The following SERPINB5 variants were observed in gnomAD, a reference collection of about 807,000 sequenced individuals.
The protein encoded by SERPINB5 is serpin B5.
SERPINB5 carries 27 observed loss-of-function variants against 32.2 expected under a neutral mutation model. The ratio of observed to expected loss-of-function variants is 0.84; its 90% CI spans 0.62 to 1.16. The LOEUF is 1.16. Among genes scored for constraint, SERPINB5 ranks in the 50% most tolerant of loss-of-function variants. The pLI is 0.00. For synonymous variants in SERPINB5, 154 were observed against 157.4 expected, an observed-to-expected ratio of 0.98 and a Z score of 0.16; for missense variants, 388 against 436.3, an observed-to-expected ratio of 0.89 and a Z score of 0.99.
intron 6 of SERPINB5, among the ~76,000 whole-genome samples, chr18:63,501,761 T>C (rs546933991): frequency 2.2e-4 from 34 of 152,324 alleles, no homozygotes; most frequent in African/African-American, 7.9e-4. Flanking sequence ...TGGTATCTCA[T>C]TGTGGTTTTG....
intron 3 of SERPINB5, among the ~76,000 whole-genome samples, chr18:63,488,924 T>A (rs1035012188): frequency 3.9e-5 from 6 of 152,196 alleles, no homozygotes; most frequent in African/African-American, 1.4e-4. Flanking sequence ...GACCACAGTT[T>A]GAGTAGCAAG....
intron 5 of SERPINB5, 118 bp downstream of exon 5, chr18:63,493,213 T>C (rs761218359): frequency 7.4e-7 from 1 of 1,350,020 alleles, no homozygotes; most frequent in East Asian, 2.4e-5. Context: ...GCCGGCAAAG[T>C]GCCTTTCCTG....
intron 5 of SERPINB5, chr18:63,497,157 C>T: frequency 1.5e-6 from 1 of 650,564 alleles, no homozygotes. Flanking sequence ...GAGTTCTAGA[C>T]CAGGTTGTCT....
intron 4 of SERPINB5, among the ~76,000 whole-genome samples, chr18:63,489,931 G>T (rs12963382): frequency 6.6e-6 from 1 of 152,206 alleles, no homozygotes; most frequent in Non-Finnish European, 1.5e-5. Context: ...GGTGGCTCAC[G>T]CCTGTAATCC....
intron 4 of SERPINB5, among the ~76,000 whole-genome samples, chr18:63,489,957 C>A (rs1917275006): frequency 6.6e-6 from 1 of 152,292 alleles, no homozygotes; most frequent in Non-Finnish European, 1.5e-5. Flanking sequence ...CTTTGGGAGG[C>A]CAAGGCGGGC....
At chr18:63,497,520 A>G (rs2144507534) in intron 5 of SERPINB5, 1 of 446,962 alleles carries the variant, frequency 2.2e-6, no homozygotes. Flanking sequence ...AAAAAGAGCC[A>G]AGCATACAGT....
At position 63,492,937 on chromosome 18, in the gene SERPINB5, C is replaced by G; in HGVS notation, c.425-16C>G. 1.2e-6 allele frequency: 2 copies of G among 1,603,322 alleles called. No homozygotes were observed. Among genetic ancestry groups the G allele is most frequent in the South Asian group, 2.2e-5 (2 of 89,484 alleles). ...AGAATAATTCTGCTACTTGTGTTTT[C>G]CTAAAATTGTTGCAGGCCACTTTGA... On this transcript the variant is annotated splice_polypyrimidine_tract_variant and intron_variant, in intron 4 of 6. Coordinates refer to ENST00000382771, the MANE Select transcript of SERPINB5 (RefSeq NM_002639.5).
At chr18:63,482,433 T>C (rs571945768) in intron 1 of SERPINB5, among the ~76,000 whole-genome samples, 14 of 152,312 alleles carry the variant, frequency 9.2e-5, no homozygotes, top group Non-Finnish European at 2.1e-4. Context: ...CGCCTGAGGC[T>C]TTGGGGGAAC....
intron 4 of SERPINB5, among the ~76,000 whole-genome samples, chr18:63,492,438 T>C (rs935084710): frequency 6.6e-6 from 1 of 152,202 alleles, no homozygotes; most frequent in African/African-American, 2.4e-5. Context: ...TATAGGACCA[T>C]TGTGAAAAGA....
intron 6 of SERPINB5, among the ~76,000 whole-genome samples, chr18:63,499,987 T>G (rs1687082586): frequency 7.5e-6 from 1 of 133,252 alleles, no homozygotes; most frequent in African/African-American, 2.7e-5. Flanking sequence ...GAGCCAATAC[T>G]GACATATTAC....
At position 63,498,112 on chromosome 18, in the gene SERPINB5, G is replaced by T. The variant is rs1314406661; in HGVS notation, c.568-1008G>T. ...TTGTTCTGTTTTGTTTTGAGATGGA[G>T]TCTCGCTCTGTTGCCCAGGCTGGAG... On this transcript the variant is annotated intron_variant, in intron 5 of 6. Coordinates refer to ENST00000382771, the MANE Select transcript of SERPINB5 (RefSeq NM_002639.5). The surrounding 1 kb of genome is among the most constrained non-coding windows in gnomAD (Gnocchi z 4.2). 1.3e-5 allele frequency among the ~76,000 whole-genome samples: 2 copies of T among 152,174 alleles called. No individual in the cohort carries two copies. Among genetic ancestry groups the T allele is most frequent in the Non-Finnish European group, 2.9e-5 (2 of 68,042 alleles).
chr18:63,503,243 A>G, intron 6 of SERPINB5, 87 bp from the exon 7 acceptor site: 1 of 1,431,830 alleles, frequency 7.0e-7, no homozygotes, highest in East Asian at 2.5e-5. Context: ...AGCTGGGCTT[A>G]TCATAACACC....
chr18:63,481,971 A>C (rs1419929277), intron 1 of SERPINB5, among the ~76,000 whole-genome samples: 1 of 152,178 alleles, frequency 6.6e-6, no homozygotes, highest in Non-Finnish European at 1.5e-5. Flanking sequence ...GTATATTTGC[A>C]ATGGGAACTG....
intron 4 of SERPINB5, among the ~76,000 whole-genome samples, chr18:63,490,056 G>T (rs558725899): frequency 6.6e-6 from 1 of 152,156 alleles, no homozygotes. Flanking sequence ...GCCGGGCGTG[G>T]TGGCGGGCGC....
At position 63,480,456 on chromosome 18, in the gene SERPINB5, A is replaced by G. The variant is rs77258019; in HGVS notation, c.-8+3411A>G. The stretch of plus-strand genomic sequence containing the variant: ...GGCAACAGAATGAAAAAAAATTTGT[A>G]GCAATTTTAGCACTTTCAACAGAAG... On this transcript the variant is annotated intron_variant, in intron 1 of 6. Coordinates refer to ENST00000382771, the MANE Select transcript of SERPINB5 (RefSeq NM_002639.5). Among the ~76,000 whole-genome samples, 14 of 152,362 alleles carry G rather than the reference A, an allele frequency of 9.2e-5. No homozygotes were observed. In the East Asian group the frequency reaches 2.7e-3, roughly 29 times the overall value.
chr18:63,497,125 C>T (rs1260768128), intron 5 of SERPINB5: 2 of 626,542 alleles, frequency 3.2e-6, no homozygotes, highest in Non-Finnish European at 6.0e-6. Flanking sequence ...AGCAGCTCCC[C>T]ACTTTAGGTG....
At chr18:63,497,498 T>TAAAA in intron 5 of SERPINB5, 1 of 183,582 alleles carries the variant, frequency 5.4e-6, no homozygotes, top group Admixed American at 8.6e-5. Context: ...ACAACGTTTC[T>TAAAA]GAAAAAAAAA....
chr18:63,489,406 A>C lies in SERPINB5; in HGVS notation c.366A>C (p.Lys122Asn). ...YAKELETVDF[K>N]DKLEETKGQI... ...AGGAATTGGAAACTGTTGACTTCAA[A>C]GATAAATTGGAAGAAACGAAAGGTC... The change falls in exon 4 of 7, where the codon AAA (lysine) becomes AAC (asparagine). Residue 122 changes from lysine to asparagine, a missense_variant. Coordinates refer to ENST00000382771, the MANE Select transcript of SERPINB5 (RefSeq NM_002639.5). The C allele has an allele frequency of 6.2e-7, 1 of 1,613,538 alleles. No individual in the cohort carries two copies.
chr18:63,482,521 G>T (rs1917141838), intron 1 of SERPINB5, among the ~76,000 whole-genome samples: 1 of 152,134 alleles, frequency 6.6e-6, no homozygotes, highest in Non-Finnish European at 1.5e-5. Context: ...TGCTGTCCTG[G>T]CTTAGGCAGA....
Sources: allele counts gnomAD v4.1 joint callset (sites outside exome capture counted in the v4.1 genomes callset), GRCh38; gene constraint gnomAD v4.1.1; non-coding constraint Gnocchi (gnomAD v3.1); transcripts MANE v1.5; gene names NCBI Gene and HGNC (gene_info 2026-07-23, HGNC 2026-07-21).